The following EBF1 variants were observed in gnomAD, a reference collection of about 807,000 sequenced individuals.
EBF1 encodes the protein transcription factor COE1.
Under a neutral mutation model 68.4 loss-of-function variants are expected in EBF1, and 10 were observed. That is an observed-to-expected ratio of 0.15 (90% confidence interval 0.09 to 0.25). EBF1 has a LOEUF of 0.25. EBF1 is among the 10% of genes least tolerant of loss of function. The probability of loss-of-function intolerance (pLI) is 1.00; values close to 1 mark genes in which losing one functional copy is unlikely to be tolerated. For synonymous variants in EBF1, 298 were observed against 299.8 expected (o/e 0.99, Z 0.06); for missense variants, 509 against 794.4 (o/e 0.64, Z 4.32).
At chr5:158,735,194 C>G (rs1300660890) in intron 10 of EBF1, among the ~76,000 whole-genome samples, 3 of 152,146 alleles carry the variant, frequency 2.0e-5, no homozygotes, top group Non-Finnish European at 4.4e-5. Context: ...CAGATGAAAT[C>G]CTCTACTTGC....
intron 6 of EBF1, among the ~76,000 whole-genome samples, chr5:158,915,121 C>A (rs998079067): frequency 6.6e-6 from 1 of 152,134 alleles, no homozygotes; most frequent in African/African-American, 2.4e-5. Context: ...GGCACTCAGG[C>A]TCTACCGGAG....
chr5:158,709,407 C>T (rs1758654884), intron 14 of EBF1, among the ~76,000 whole-genome samples: 1 of 152,060 alleles, frequency 6.6e-6, no homozygotes, highest in Non-Finnish European at 1.5e-5. Flanking sequence ...AGGGCCATAG[C>T]TAGAATGCGC....
At chr5:158,871,145 AG>A (rs1268036962) in intron 6 of EBF1, among the ~76,000 whole-genome samples, 10 of 152,240 alleles carry the variant, frequency 6.6e-5, no homozygotes, top group Non-Finnish European at 1.5e-4. Flanking sequence ...AAGAAATATC[AG>A]ATAAGTGAGG....
intron 9 of EBF1, among the ~76,000 whole-genome samples, chr5:158,791,445 C>T (rs1430973831): frequency 6.6e-6 from 1 of 151,914 alleles, no homozygotes; most frequent in Non-Finnish European, 1.5e-5. Context: ...AATCTATATC[C>T]TCTGATTGGG....
chr5:158,726,445 T>G (rs1763002469), intron 11 of EBF1, among the ~76,000 whole-genome samples: 1 of 152,108 alleles, frequency 6.6e-6, no homozygotes, highest in Non-Finnish European at 1.5e-5. Context: ...GTCTATTAAG[T>G]GGTGGTGTTC....
chr5:158,950,666 T>C (rs557956705), intron 6 of EBF1, among the ~76,000 whole-genome samples: 1 of 152,290 alleles, frequency 6.6e-6, no homozygotes. Flanking sequence ...TCTCTGACAT[T>C]TTACTCTGGA....
intron 9 of EBF1, among the ~76,000 whole-genome samples, chr5:158,780,633 T>C (rs1359870150): frequency 6.6e-6 from 1 of 152,182 alleles, no homozygotes; most frequent in Non-Finnish European, 1.5e-5. Flanking sequence ...AAATTATAGC[T>C]AGATATTGTT....
chr5:158,914,490 A>T (rs1806713363), intron 6 of EBF1, among the ~76,000 whole-genome samples: 1 of 152,196 alleles, frequency 6.6e-6, no homozygotes, highest in Non-Finnish European at 1.5e-5. Context: ...GTCACAGGGA[A>T]GGACTCCAGC....
At chr5:159,086,220 T>C (rs955914371) in intron 4 of EBF1, among the ~76,000 whole-genome samples, 1 of 152,192 alleles carries the variant, frequency 6.6e-6, no homozygotes, top group African/African-American at 2.4e-5. Flanking sequence ...CTTTTCTCTG[T>C]AGTTTTTTCT....
intron 6 of EBF1, among the ~76,000 whole-genome samples, chr5:159,062,042 A>T (rs956636005): frequency 1.3e-5 from 2 of 152,164 alleles, no homozygotes; most frequent in Non-Finnish European, 2.9e-5. Flanking sequence ...TTGGGAAAAA[A>T]CTAAAATATG....
chr5:158,971,024 C>G (rs1755542186), intron 6 of EBF1, among the ~76,000 whole-genome samples: 1 of 152,212 alleles, frequency 6.6e-6, no homozygotes, highest in Admixed American at 6.5e-5. Flanking sequence ...GCAGGAGCTT[C>G]TGGTAGCATG....
chr5:158,697,681 T>G lies in EBF1; in HGVS notation c.*1430A>C, dbSNP rs562922432. 1 of 205,860 alleles carries G rather than the reference T, an allele frequency of 4.9e-6. No individual in the cohort carries two copies. The highest frequency in any genetic ancestry group is 7.4e-5 in the East Asian group (1 of 13,486). 12.8% of individuals were successfully genotyped at this position (205,860 alleles called of 1,614,324 possible). ...TTTCTTTGCAAAATACGCAGTAAAA[T>G]CTTTTTGTGATATTGAAAAAATGTC... On this transcript the variant is annotated 3_prime_UTR_variant, in exon 16 of 16. Transcript: ENST00000313708.
intron 6 of EBF1, among the ~76,000 whole-genome samples, chr5:158,908,928 G>T (rs1174953247): frequency 1.3e-5 from 2 of 152,172 alleles, no homozygotes; most frequent in African/African-American, 4.8e-5. Context: ...CGCTTGCCAT[G>T]CATCAATGCC....
At chr5:158,923,659 C>T (rs1411274589) in intron 6 of EBF1, among the ~76,000 whole-genome samples, 2 of 152,162 alleles carry the variant, frequency 1.3e-5, no homozygotes, top group Non-Finnish European at 2.9e-5. Flanking sequence ...CTTAAGTCTG[C>T]TCTAGAGGAA....
At chr5:159,073,765 T>C in intron 5 of EBF1, 1 of 367,128 alleles carries the variant, frequency 2.7e-6, no homozygotes, top group East Asian at 4.8e-5. Flanking sequence ...GAGTTCACTG[T>C]GAAGTGCACT....
chr5:159,038,308 T>A (rs984082688), intron 6 of EBF1, among the ~76,000 whole-genome samples: 1 of 152,182 alleles, frequency 6.6e-6, no homozygotes, highest in Non-Finnish European at 1.5e-5. Context: ...ACTCTGACCT[T>A]GCCCTGCCTT....
chr5:158,782,280 C>CA (rs1268813987), intron 9 of EBF1, among the ~76,000 whole-genome samples: 1 of 152,100 alleles, frequency 6.6e-6, no homozygotes, highest in Non-Finnish European at 1.5e-5. Flanking sequence ...TGCTTTGTGC[C>CA]ATAAATAGTG....
chr5:158,866,348 A>C (rs1179778193), intron 6 of EBF1, among the ~76,000 whole-genome samples: 1 of 152,222 alleles, frequency 6.6e-6, no homozygotes, highest in African/African-American at 2.4e-5. Flanking sequence ...CAAGGCTGGC[A>C]TCTCCAAAGC....
intron 9 of EBF1, 105 bp downstream of exon 9, chr5:158,796,240 C>A: frequency 8.1e-7 from 1 of 1,232,638 alleles, no homozygotes; most frequent in East Asian, 2.9e-5. Flanking sequence ...CTGGCCCACC[C>A]AGAGCGGCAC....
Sources: gnomAD v4.1 joint callset for allele counts (sites outside exome capture counted in the v4.1 genomes callset) on GRCh38, gnomAD v4.1.1 for gene constraint, MANE v1.5 for transcripts, NCBI Gene and HGNC (gene_info 2026-07-23, HGNC 2026-07-21) for gene names.